Variants in IGF2BP2 observed in about 807,000 individuals in gnomAD.
The protein encoded by IGF2BP2 is insulin-like growth factor 2 mRNA-binding protein 2.
IGF2BP2 carries 17 observed loss-of-function variants against 75.8 expected under a neutral mutation model. The ratio of observed to expected loss-of-function variants is 0.22; its 90% CI spans 0.15 to 0.34. The LOEUF is 0.34. Ranked by LOEUF, IGF2BP2 falls within the 10% of genes least tolerant of loss-of-function variation. The pLI, the probability that IGF2BP2 is intolerant of heterozygous loss-of-function variation, is 1.00. For synonymous variants in IGF2BP2, 288 were observed against 295.6 expected, an observed-to-expected ratio of 0.97 and a Z score of 0.26; for missense variants, 516 against 772.4, an observed-to-expected ratio of 0.67 and a Z score of 3.93.
At chr3:185,772,359 C>G (rs775198625) in intron 2 of IGF2BP2, among the ~76,000 whole-genome samples, 27 of 152,152 alleles carry the variant, frequency 1.8e-4, no homozygotes, top group African/African-American at 2.9e-4. Context: ...AGAGCTTGGT[C>G]TTTACCAACC....
intron 1 of IGF2BP2, among the ~76,000 whole-genome samples, chr3:185,823,781 TCGGGGGGCGCCGGCCGGGGCC>T (rs1376574867): frequency 6.6e-6 from 1 of 151,654 alleles, no homozygotes; most frequent in Admixed American, 6.6e-5. Context: ...GGGCCGGGGT[TCGGGGGGCGCCGGCCGGGGCC>T]CGGGGGCCCG....
intron 2 of IGF2BP2, among the ~76,000 whole-genome samples, chr3:185,765,288 A>G (rs1732893211): frequency 6.6e-6 from 1 of 152,174 alleles, no homozygotes; most frequent in Non-Finnish European, 1.5e-5. Flanking sequence ...GATACATACA[A>G]AGCAAAATTA....
chr3:185,717,624 G>A (rs1400601560), intron 2 of IGF2BP2: 1 of 152,262 alleles, frequency 6.6e-6, no homozygotes, highest in African/African-American at 2.4e-5. Flanking sequence ...GCAAACAAGA[G>A]TTCCAAGAGA....
intron 7 of IGF2BP2, among the ~76,000 whole-genome samples, chr3:185,686,650 G>A (rs749404562): frequency 1.3e-5 from 2 of 152,038 alleles, no homozygotes; most frequent in Non-Finnish European, 2.9e-5. Flanking sequence ...CAAACTCTGA[G>A]TAAAAAAATA....
chr3:185,795,293 T>C (rs1222365060), intron 2 of IGF2BP2, among the ~76,000 whole-genome samples: 1 of 152,164 alleles, frequency 6.6e-6, no homozygotes, highest in African/African-American at 2.4e-5. Flanking sequence ...TGTGGTAACA[T>C]GTGTCAAAAT....
chr3:185,650,726 G>A (rs2149054029), intron 13 of IGF2BP2, among the ~76,000 whole-genome samples: 1 of 151,978 alleles, frequency 6.6e-6, no homozygotes, highest in Admixed American at 6.6e-5. Flanking sequence ...TCAGTGGTCA[G>A]TATGTTGTGC....
chr3:185,705,052 G>A (rs994751248), intron 2 of IGF2BP2, among the ~76,000 whole-genome samples: 1 of 152,360 alleles, frequency 6.6e-6, no homozygotes, highest in Non-Finnish European at 1.5e-5. Flanking sequence ...GTAGTGTTAT[G>A]AGCCAAATCA....
intron 6 of IGF2BP2, among the ~76,000 whole-genome samples, chr3:185,688,779 C>T (rs73175559): frequency 0.054 from 8,279 of 152,306 alleles, 323 homozygotes; most frequent in Middle Eastern, 0.12. Context: ...CCCGAGCTTG[C>T]TTTATTACAT....
At chr3:185,746,704 T>C (rs760886979) in intron 2 of IGF2BP2, among the ~76,000 whole-genome samples, 7 of 152,252 alleles carry the variant, frequency 4.6e-5, no homozygotes, top group Non-Finnish European at 8.8e-5. Flanking sequence ...TATCATATTA[T>C]GCAACCAAGA....
At chr3:185,683,942 A>T (rs1024499495) in intron 7 of IGF2BP2, among the ~76,000 whole-genome samples, 1 of 152,180 alleles carries the variant, frequency 6.6e-6, no homozygotes, top group Admixed American at 6.5e-5. Flanking sequence ...CTGACCTTGG[A>T]GCCGTGTGCC....
intron 2 of IGF2BP2, among the ~76,000 whole-genome samples, chr3:185,813,573 A>G (rs139766400): frequency 6.6e-6 from 1 of 152,348 alleles, no homozygotes; most frequent in Non-Finnish European, 1.5e-5. Context: ...TTGAAAAACA[A>G]AAAATAAAGA....
intron 12 of IGF2BP2, among the ~76,000 whole-genome samples, chr3:185,652,754 G>T (rs1253148949): frequency 1.3e-5 from 2 of 152,150 alleles, no homozygotes; most frequent in Admixed American, 1.3e-4. Context: ...TTCTAGTCCT[G>T]GCTCTGAAAA....
At chr3:185,783,459 A>C (rs1457615283) in intron 2 of IGF2BP2, among the ~76,000 whole-genome samples, 2 of 152,180 alleles carry the variant, frequency 1.3e-5, no homozygotes, top group African/African-American at 4.8e-5. Context: ...GGCAGGACAA[A>C]GAGTTCCCAA....
rs566705001 is a variant in IGF2BP2, at chr3:185,665,841, C to G, written c.1200+6700G>C. Among the ~76,000 whole-genome samples the G allele has an allele frequency of 2.0e-5, 3 of 152,244 alleles. No individual in the cohort carries two copies. In the South Asian group the frequency reaches 6.2e-4, roughly 32 times the overall value. On this transcript the variant is annotated intron_variant, in intron 10 of 15. Transcript: ENST00000382199. ...AATTAGCCAGGTGTGGTGGCACATG[C>G]CTGTAGTCCCAGCTACTTGGGAGGC...
intron 2 of IGF2BP2, among the ~76,000 whole-genome samples, chr3:185,710,460 C>T (rs1255202807): frequency 2.6e-5 from 4 of 152,074 alleles, no homozygotes; most frequent in African/African-American, 4.8e-5. Flanking sequence ...TGGCCAGGAG[C>T]GATGGCTCAC....
intron 2 of IGF2BP2, among the ~76,000 whole-genome samples, chr3:185,782,378 T>C (rs1243656501): frequency 6.6e-6 from 1 of 152,184 alleles, no homozygotes; most frequent in Admixed American, 6.5e-5. Context: ...TTTTCCTCTG[T>C]ATCACATTGA....
chr3:185,759,264 A>T lies in IGF2BP2; in HGVS notation c.240-60917T>A, dbSNP rs1217098403. 2.0e-5 allele frequency among the ~76,000 whole-genome samples: 3 copies of T among 152,214 alleles called. No individual in the cohort carries two copies. The East Asian group carries it at 5.8e-4, about 29-fold the overall frequency. On this transcript the variant is annotated intron_variant, in intron 2 of 15. Coordinates refer to ENST00000382199, the MANE Select transcript of IGF2BP2 (RefSeq NM_006548.6). ...TCCTGAGAACAAAGAGAAACGGAAA[A>T]AAAGTATTGAACCAGAAGCTGGCAT...
chr3:185,822,017 G>A (rs1029764183), intron 2 of IGF2BP2, among the ~76,000 whole-genome samples: 2 of 151,470 alleles, frequency 1.3e-5, no homozygotes, highest in Non-Finnish European at 2.9e-5. Context: ...AAAAAAACAG[G>A]ATTTAAGTAA....
At chr3:185,651,265 TTGCACCA>T in intron 13 of IGF2BP2, among the ~76,000 whole-genome samples, 1 of 152,350 alleles carries the variant, frequency 6.6e-6, no homozygotes, top group South Asian at 2.1e-4. Context: ...GTCACCCATG[TTGCACCA>T]TGCATCAGTA....
Sources: allele counts gnomAD v4.1 joint callset (sites outside exome capture counted in the v4.1 genomes callset), GRCh38; gene constraint gnomAD v4.1.1; transcripts MANE v1.5; gene names NCBI Gene and HGNC (gene_info 2026-07-23, HGNC 2026-07-21).